Variants in STX7 observed in about 807,000 individuals in gnomAD.
STX7 encodes the protein syntaxin-7.
STX7 carries 34 observed loss-of-function variants against 39.6 expected under a neutral mutation model. The observed-to-expected ratio is 0.86, with a 90% confidence interval of 0.65 to 1.14. The LOEUF (loss-of-function observed/expected upper bound fraction) is 1.14. Among genes scored for constraint, STX7 ranks in the 50% most tolerant of loss-of-function variants. The pLI is 0.00. For missense variants in STX7, 284 were observed against 310.4 expected, an observed-to-expected ratio of 0.92 and a Z score of 0.64; for synonymous variants, 119 against 99.1, an observed-to-expected ratio of 1.20 and a Z score of -1.19.
rs1774329472 is a variant in STX7, at chr6:132,459,393, G to A, written c.*1365C>T. 1 of 152,202 alleles carries A rather than the reference G, an allele frequency of 6.6e-6. No homozygotes were observed. Among genetic ancestry groups the A allele is most frequent in the African/African-American group, 2.4e-5 (1 of 41,446 alleles). 9.4% of individuals were successfully genotyped at this position (152,202 alleles called of 1,614,324 possible). A position where few individuals can be genotyped will look rare whatever the true frequency, so the allele number is the denominator to read the frequency against. On this transcript the variant is annotated 3_prime_UTR_variant, in exon 10 of 10. Transcript: ENST00000367941. ...TGAACTGGTGCTCCAGAAAGATGCT[G>A]AATGGCCACAGTGCATGTGGTGATG...
At chr6:132,471,054 T>C (rs917241821) in intron 5 of STX7, among the ~76,000 whole-genome samples, 1 of 152,216 alleles carries the variant, frequency 6.6e-6, no homozygotes, top group Non-Finnish European at 1.5e-5. Flanking sequence ...ATGTTCATTT[T>C]CAATATTGAT....
intron 2 of STX7, among the ~76,000 whole-genome samples, chr6:132,501,592 A>G (rs527530933): frequency 8.3e-4 from 127 of 152,118 alleles, no homozygotes; most frequent in African/African-American, 2.9e-3. Context: ...TTCACACACA[A>G]TCTTCAATCC....
rs1173480810 is a variant in STX7, at chr6:132,460,867, C to A, written c.694-17G>T. 6.3e-7 allele frequency: 1 copy of A among 1,595,028 alleles called. No individual in the cohort carries two copies. Among genetic ancestry groups the A allele is most frequent in the Non-Finnish European group, 8.6e-7 (1 of 1,167,992 alleles). ...GGATTTGCGCTGCAGACGCAAAAAA[C>A]AAAACAAAACAAAAAAACATGTTTA... On this transcript the variant is annotated splice_polypyrimidine_tract_variant and intron_variant, in intron 9 of 9. Coordinates refer to ENST00000367941, the MANE Select transcript of STX7 (RefSeq NM_003569.3).
intron 2 of STX7, among the ~76,000 whole-genome samples, chr6:132,477,324 T>C (rs1032999914): frequency 1.3e-5 from 2 of 152,106 alleles, no homozygotes; most frequent in Non-Finnish European, 2.9e-5. Flanking sequence ...CTTAAGCGTA[T>C]TGATAATACA....
intron 2 of STX7, among the ~76,000 whole-genome samples, chr6:132,498,277 T>A (rs1775467297): frequency 1.3e-5 from 2 of 152,074 alleles, no homozygotes; most frequent in Non-Finnish European, 2.9e-5. Flanking sequence ...GCATTTACAA[T>A]ATTTAAATAT....
In STX7 at chr6:132,460,142, C is replaced by G. The variant is rs903055695; in HGVS notation, c.*616G>C. 6.6e-6 allele frequency: 1 copy of G among 152,168 alleles called. No individual in the cohort carries two copies. The highest frequency in any genetic ancestry group is 2.4e-5 in the African/African-American group (1 of 41,446). 9.4% of individuals were successfully genotyped at this position (152,168 alleles called of 1,614,324 possible). A position where few individuals can be genotyped will look rare whatever the true frequency, so the allele number is the denominator to read the frequency against. On this transcript the variant is annotated 3_prime_UTR_variant, in exon 10 of 10. Coordinates refer to ENST00000367941, the MANE Select transcript of STX7 (RefSeq NM_003569.3). The stretch of plus-strand genomic sequence containing the variant: ...CTTAGTAATTTTACTAGGCAATCTA[C>G]AGCAAAAGCTTAATATATACACAGA...
chr6:132,509,805 A>G (rs9493341), intron 1 of STX7, among the ~76,000 whole-genome samples: 53,182 of 152,088 alleles, frequency 0.35, 9,821 homozygotes, highest in East Asian at 0.6. Flanking sequence ...AGGATAGGTA[A>G]CTACAAATTG....
In STX7 at chr6:132,472,416, T is replaced by C. The variant is rs372803174; in HGVS notation, c.156-41A>G. ...ACGCATTACAGCCAAAGGACTAATA[T>C]ACTTCTTTAAGCTTCAACTCTGCCT... On this transcript the variant is annotated intron_variant, in intron 3 of 9. Coordinates refer to ENST00000367941, the MANE Select transcript of STX7 (RefSeq NM_003569.3). 7.2e-5 allele frequency: 106 copies of C among 1,477,602 alleles called. No homozygotes were observed. The African/African-American group carries it at 1.0e-3, about 14-fold the overall frequency. 91.5% of individuals were successfully genotyped at this position (1,477,602 alleles called of 1,614,324 possible). A position where few individuals can be genotyped will look rare whatever the true frequency, so the allele number is the denominator to read the frequency against.
upstream of STX7, chr6:132,513,275 T>C (rs1438036328): frequency 2.6e-5 from 4 of 152,406 alleles, no homozygotes; most frequent in African/African-American, 4.8e-5. Context: ...AAGCCTGACG[T>C]AGAGATGGTG....
chr6:132,480,605 C>A (rs1774992188), intron 2 of STX7, among the ~76,000 whole-genome samples: 1 of 152,160 alleles, frequency 6.6e-6, no homozygotes, highest in Non-Finnish European at 1.5e-5. Flanking sequence ...GGGGTACGCT[C>A]ATACACAAGT....
chr6:132,460,659 T>C lies in STX7; in HGVS notation c.*99A>G, dbSNP rs2114344762. ...ATAACAAAGTATGGGAACCATCCTT[T>C]ATACAATAGCTTTAAAATAATAATT... On this transcript the variant is annotated 3_prime_UTR_variant, in exon 10 of 10. Coordinates refer to ENST00000367941, the MANE Select transcript of STX7 (RefSeq NM_003569.3). 1 of 975,872 alleles carries C rather than the reference T, an allele frequency of 1.0e-6. No individual in the cohort carries two copies. The highest frequency in any genetic ancestry group is 2.7e-5 in the East Asian group (1 of 37,334). 60.5% of individuals were successfully genotyped at this position (975,872 alleles called of 1,614,324 possible). A position where few individuals can be genotyped will look rare whatever the true frequency, so the allele number is the denominator to read the frequency against.
intron 5 of STX7, among the ~76,000 whole-genome samples, chr6:132,471,219 T>A (rs765214431): frequency 8.5e-5 from 13 of 152,240 alleles, no homozygotes; most frequent in South Asian, 2.1e-4. Flanking sequence ...TGACAAAATA[T>A]GTCTCTATAT....
chr6:132,493,342 G>C (rs1295837618), intron 2 of STX7, among the ~76,000 whole-genome samples: 1 of 152,070 alleles, frequency 6.6e-6, no homozygotes, highest in Admixed American at 6.5e-5. Flanking sequence ...GTTTGATATG[G>C]TTTGGCTGTG....
At chr6:132,500,865 G>A (rs1176806503) in intron 2 of STX7, among the ~76,000 whole-genome samples, 2 of 152,148 alleles carry the variant, frequency 1.3e-5, no homozygotes, top group East Asian at 3.9e-4. Flanking sequence ...CCTGAGGGAG[G>A]CAATTCTACC....
At position 132,470,062 on chromosome 6, in the gene STX7, T is replaced by C; in HGVS notation, c.441-15A>G. ...GTTGAGTTTGGCTAACAGAAAAAAA[T>C]GAATGTGGAAAAAAACAAAGATTGG... is the stretch of plus-strand genomic sequence containing the variant. On this transcript the variant is annotated splice_polypyrimidine_tract_variant and intron_variant, in intron 6 of 9. Coordinates refer to ENST00000367941, the MANE Select transcript of STX7 (RefSeq NM_003569.3). 6.4e-7 allele frequency: 1 copy of C among 1,563,528 alleles called. No individual in the cohort carries two copies. Among genetic ancestry groups the C allele is most frequent in the Non-Finnish European group, 8.6e-7 (1 of 1,162,020 alleles).
chr6:132,497,822 G>A (rs1377836712), intron 2 of STX7, among the ~76,000 whole-genome samples: 1 of 152,188 alleles, frequency 6.6e-6, no homozygotes, highest in East Asian at 1.9e-4. Context: ...AAAATATGGA[G>A]AAATGATAGA....
At chr6:132,491,881 T>C (rs149789607) in intron 2 of STX7, among the ~76,000 whole-genome samples, 9 of 152,322 alleles carry the variant, frequency 5.9e-5, no homozygotes, top group Non-Finnish European at 1.3e-4. Flanking sequence ...TCCAATGTCG[T>C]CACCCACTCC....
rs77625438 is a variant in STX7 at position 132,499,250 on chromosome 6, T to C, written c.85+4196A>G. ...CTCTTTCTACTTTCATAGCAGAGTC[T>C]GCTAGTTGCCTACTAAATATTGATT... On this transcript the variant is annotated intron_variant, in intron 2 of 9. Coordinates refer to ENST00000367941, the MANE Select transcript of STX7 (RefSeq NM_003569.3). Among the ~76,000 whole-genome samples the C allele has an allele frequency of 5.9e-5, 9 of 152,382 alleles. No homozygotes were observed. The East Asian group carries it at 1.7e-3, about 29-fold the overall frequency.
intron 3 of STX7, among the ~76,000 whole-genome samples, chr6:132,474,857 C>CT (rs946103232): frequency 3.9e-5 from 6 of 151,926 alleles, no homozygotes; most frequent in East Asian, 1.9e-4. Flanking sequence ...TTCATTATAA[C>CT]TTTTTTTTAA....
Sources: gnomAD v4.1 joint callset for allele counts (sites outside exome capture counted in the v4.1 genomes callset) on GRCh38, gnomAD v4.1.1 for gene constraint, MANE v1.5 for transcripts, NCBI Gene and HGNC (gene_info 2026-07-23, HGNC 2026-07-21) for gene names.